The following MAGI2 variants were observed in gnomAD, a reference collection of about 807,000 sequenced individuals.
MAGI2 encodes the protein membrane-associated guanylate kinase, WW and PDZ domain-containing protein 2.
MAGI2 carries 35 observed loss-of-function variants against 133.3 expected under a neutral mutation model. The observed-to-expected ratio is 0.26, with a 90% CI of 0.20 to 0.35. The LOEUF is 0.35. MAGI2 is among the 10% of genes least tolerant of loss of function. The pLI, the probability that MAGI2 is intolerant of heterozygous loss-of-function variation, is 1.00. For synonymous variants in MAGI2, 729 were observed against 710.6 expected (o/e 1.03, Z -0.41); for missense variants, 1,636 against 1,863.4 (o/e 0.88, Z 2.25).
intron 2 of MAGI2, among the ~76,000 whole-genome samples, chr7:78,872,969 G>A (rs1243315690): frequency 6.6e-6 from 1 of 152,060 alleles, no homozygotes; most frequent in African/African-American, 2.4e-5. Flanking sequence ...AACAACTTGA[G>A]TAAATTAAGG....
chr7:79,045,801 G>T (rs992725719), intron 1 of MAGI2, among the ~76,000 whole-genome samples: 1 of 151,984 alleles, frequency 6.6e-6, no homozygotes, highest in Non-Finnish European at 1.5e-5. Context: ...CCCAAAAAAA[G>T]AGTGGCAGAG....
At chr7:79,212,032 C>T (rs704866) in intron 1 of MAGI2, among the ~76,000 whole-genome samples, 151,142 of 152,152 alleles carry the variant, frequency 0.99, 75,075 homozygotes, top group East Asian at 1. Context: ...CCCAAACTCT[C>T]TGGACTTCTT....
At chr7:79,442,569 G>A (rs1168903365) in intron 1 of MAGI2, among the ~76,000 whole-genome samples, 2 of 151,594 alleles carry the variant, frequency 1.3e-5, no homozygotes, top group Non-Finnish European at 2.9e-5. Flanking sequence ...CAAAGCATAG[G>A]AACTTCCAAC....
At chr7:78,386,007 C>A (rs1045521088) in intron 6 of MAGI2, among the ~76,000 whole-genome samples, 1 of 151,878 alleles carries the variant, frequency 6.6e-6, no homozygotes, top group Non-Finnish European at 1.5e-5. Flanking sequence ...CCCCCCCTAG[C>A]TCAAACAGTG....
At chr7:79,140,944 C>T (rs899186118) in intron 1 of MAGI2, among the ~76,000 whole-genome samples, 3 of 152,108 alleles carry the variant, frequency 2.0e-5, no homozygotes, top group East Asian at 1.9e-4. Flanking sequence ...AGCATCAATA[C>T]GAATCCAAGT....
rs1342246318 is a variant in MAGI2 at position 79,367,875 on chromosome 7, A to ATATATATATATATG, written c.301+85144_301+85145insCATATATATATATA. Reference sequence around the variant, plus strand: ...ATATGTGACATATATATATATATATATGTCATTGACTGGTCAGTCTTCTTC... The same window carrying ATATATATATATATG: ...ATATGTGACATATATATATATATATATATATATATATATGTGTCATTGACTGGTCAGTCTTCTTC... On this transcript the variant is annotated intron_variant, in intron 1 of 21. Transcript: ENST00000354212. Among the ~76,000 whole-genome samples the ATATATATATATATG allele has an allele frequency of 1.6e-4, 19 of 122,082 alleles. 1 individual carries two copies. Among genetic ancestry groups the ATATATATATATATG allele is most frequent in the East Asian group, 7.2e-4 (3 of 4,168 alleles). The allele number at this position is 122,082 out of a possible 152,430, so 80.1% of individuals were successfully genotyped here. A position where few individuals can be genotyped will look rare whatever the true frequency, so the allele number is the denominator to read the frequency against.
At chr7:78,658,818 T>C (rs73145129) in intron 2 of MAGI2, among the ~76,000 whole-genome samples, 9,334 of 152,200 alleles carry the variant, frequency 0.061, 406 homozygotes, top group Non-Finnish European at 0.086. Flanking sequence ...CAATGCAAAA[T>C]TGTGGAGAAC....
intron 1 of MAGI2, among the ~76,000 whole-genome samples, chr7:79,195,489 T>C (rs948608229): frequency 6.6e-6 from 1 of 152,038 alleles, no homozygotes; most frequent in African/African-American, 2.4e-5. Context: ...GAAAATGCAT[T>C]TGTATTTTGG....
chr7:78,656,002 AAG>A lies in MAGI2; in HGVS notation c.419-28765_419-28764del, dbSNP rs1361398247. 6.7e-5 allele frequency among the ~76,000 whole-genome samples: 10 copies of A among 149,600 alleles called. 1 individual carries two copies. Among genetic ancestry groups the A allele is most frequent in the Admixed American group, 3.3e-4 (5 of 14,936 alleles). On this transcript the variant is annotated intron_variant, in intron 2 of 21. Coordinates refer to ENST00000354212, the MANE Select transcript of MAGI2 (RefSeq NM_012301.4). ...TCTCAAAAAAAAAAAAAAAAAGAAA[AAG>A]AAAAGAGGTTTGAAAAAATTGCTAT...
At chr7:78,555,369 AAG>A (rs1799732655) in intron 3 of MAGI2, among the ~76,000 whole-genome samples, 1 of 152,124 alleles carries the variant, frequency 6.6e-6, no homozygotes, top group African/African-American at 2.4e-5. Flanking sequence ...AAACAGGCCC[AAG>A]TACATATCAA....
At chr7:78,673,602 A>G (rs961926379) in intron 2 of MAGI2, among the ~76,000 whole-genome samples, 2 of 152,026 alleles carry the variant, frequency 1.3e-5, no homozygotes, top group Admixed American at 6.5e-5. Flanking sequence ...TCCAGGCAAG[A>G]GGAGTTCCCT....
At chr7:79,115,399 A>C (rs570039212) in intron 1 of MAGI2, among the ~76,000 whole-genome samples, 2 of 152,306 alleles carry the variant, frequency 1.3e-5, no homozygotes, top group African/African-American at 4.8e-5. Context: ...CTGAAATAGA[A>C]GGTGCTCTGT....
intron 6 of MAGI2, chr7:78,487,095 T>C (rs1488975525): frequency 2.8e-6 from 1 of 360,332 alleles, no homozygotes; most frequent in Non-Finnish European, 5.5e-6. Context: ...TTCTCCTGTG[T>C]ATCACACTTA....
intron 1 of MAGI2, among the ~76,000 whole-genome samples, chr7:79,040,038 T>C (rs1811510205): frequency 6.6e-6 from 1 of 151,908 alleles, no homozygotes; most frequent in African/African-American, 2.4e-5. Context: ...TGATTAGGCT[T>C]TGTTTCCCCA....
intron 1 of MAGI2, among the ~76,000 whole-genome samples, chr7:79,016,440 A>C (rs1808740207): frequency 6.6e-6 from 1 of 152,110 alleles, no homozygotes; most frequent in Non-Finnish European, 1.5e-5. Flanking sequence ...CTGCACTGAC[A>C]GACTGTACTT....
chr7:78,242,194 C>T (rs1397612360), intron 10 of MAGI2, among the ~76,000 whole-genome samples: 1 of 152,196 alleles, frequency 6.6e-6, no homozygotes, highest in Admixed American at 6.5e-5. Flanking sequence ...GTACACCACC[C>T]CTTCCTGGGC....
intron 2 of MAGI2, among the ~76,000 whole-genome samples, chr7:78,953,527 C>T (rs1683960967): frequency 6.6e-6 from 1 of 152,036 alleles, no homozygotes; most frequent in Admixed American, 6.6e-5. Flanking sequence ...AACATTATGA[C>T]ATTTTCCTTC....
intron 1 of MAGI2, among the ~76,000 whole-genome samples, chr7:79,215,563 GA>G (rs1829954890): frequency 6.6e-6 from 1 of 151,928 alleles, no homozygotes; most frequent in Admixed American, 6.6e-5. Flanking sequence ...CAGGTCTTTA[GA>G]TAATAATTGA....
rs76069200 is a variant in MAGI2, at chr7:78,985,270, T to C, written c.418+21820A>G. Among the ~76,000 whole-genome samples, 601 of 152,190 alleles carry C rather than the reference T, an allele frequency of 3.9e-3. 2 individuals are homozygous for C. The highest frequency in any genetic ancestry group is 0.014 in the African/African-American group (570 of 41,566). On this transcript the variant is annotated intron_variant, in intron 2 of 21. Coordinates refer to ENST00000354212, the MANE Select transcript of MAGI2 (RefSeq NM_012301.4). Reference sequence around the variant, plus strand: ...AATTACTTTTGAAATCACACTATACTCATGGTTTTATTTTTACTTCAGTAT... The same window carrying C: ...AATTACTTTTGAAATCACACTATACCCATGGTTTTATTTTTACTTCAGTAT...
Sources: gnomAD v4.1 joint callset for allele counts (sites outside exome capture counted in the v4.1 genomes callset) on GRCh38, gnomAD v4.1.1 for gene constraint, MANE v1.5 for transcripts, NCBI Gene and HGNC (gene_info 2026-07-23, HGNC 2026-07-21) for gene names.